NCOA3: variants seen among roughly 807,000 people sequenced by gnomAD.
NCOA3 encodes nuclear receptor coactivator 3, also known as CBP-interacting protein.
Under a neutral mutation model 158.8 loss-of-function variants are expected in NCOA3, and 51 were observed. The ratio of observed to expected loss-of-function variants is 0.32; its 90% CI spans 0.26 to 0.41. NCOA3 has a LOEUF of 0.41. Ranked by LOEUF, NCOA3 falls within the 10% of genes least tolerant of loss-of-function variation. The pLI, the probability that NCOA3 is intolerant of heterozygous loss-of-function variation, is 1.00. For missense variants in NCOA3, 1,510 were observed against 1,746.6 expected, an observed-to-expected ratio of 0.86 and a Z score of 2.41; for synonymous variants, 537 against 592.4, an observed-to-expected ratio of 0.91 and a Z score of 1.36.
intron 1 of NCOA3, among the ~76,000 whole-genome samples, chr20:47,518,383 CAT>C (rs1312169248): frequency 6.7e-6 from 1 of 149,234 alleles, no homozygotes; most frequent in East Asian, 1.9e-4. Context: ...AAAAAAGAAA[CAT>C]AATTGAAAAA....
At position 47,504,478 on chromosome 20, in the gene NCOA3, CTTTT is replaced by C. The variant is rs58220390; in HGVS notation, c.-99+2481_-99+2484del. 3.6e-4 allele frequency among the ~76,000 whole-genome samples: 36 copies of C among 98,682 alleles called. 1 individual carries two copies. The South Asian group carries it at 0.011, about 30-fold the overall frequency. 64.7% of individuals were successfully genotyped at this position (98,682 alleles called of 152,430 possible). On this transcript the variant is annotated intron_variant, in intron 1 of 22. Transcript: ENST00000371998. ...CATTAAAGATAAAAGCTAAGTGTGT[CTTTT>C]TTTTTTTTTTTTTTTTTTTTTAACG...
In NCOA3 at chr20:47,642,330, C is replaced by T. The variant is rs762180097; in HGVS notation, c.3198C>T (p.Ala1066=). The T allele has an allele frequency of 9.9e-6, 16 of 1,612,492 alleles. No homozygotes were observed. Among genetic ancestry groups the T allele is most frequent in the South Asian group, 8.8e-5 (8 of 90,698 alleles). The part of the protein sequence containing the change: ...QLHTLLSNTD[A]TGLEEIDRAL... ...ACACTCTTCTCAGCAACACAGATGC[C>T]ACAGGCCTGGAAGAAATTGACAGAG... The change falls in exon 17 of 23, where the codon GCC becomes GCT. Residue 1066 remains alanine, a synonymous_variant. Coordinates refer to ENST00000371998, the MANE Select transcript of NCOA3 (RefSeq NM_181659.3).
intron 2 of NCOA3, among the ~76,000 whole-genome samples, chr20:47,605,273 C>T (rs1256618686): frequency 2.6e-5 from 4 of 152,060 alleles, no homozygotes; most frequent in East Asian, 1.9e-4. Flanking sequence ...TGTATGTCTC[C>T]CTGCCACCTA....
intron 1 of NCOA3, among the ~76,000 whole-genome samples, chr20:47,555,637 T>TTTG (rs1407395037): frequency 4.2e-5 from 6 of 142,268 alleles, no homozygotes; most frequent in Non-Finnish European, 9.2e-5. Flanking sequence ...AAAGTGTTTT[T>TTTG]TTTTTTTTTT....
chr20:47,614,203 A>G lies in NCOA3; in HGVS notation c.-19-8026A>G, dbSNP rs532747331. Among the ~76,000 whole-genome samples, 10 of 152,330 alleles carry G rather than the reference A, an allele frequency of 6.6e-5. No homozygotes were observed. In the East Asian group the frequency reaches 1.7e-3, roughly 26 times the overall value. On this transcript the variant is annotated intron_variant, in intron 2 of 22. Coordinates refer to ENST00000371998, the MANE Select transcript of NCOA3 (RefSeq NM_181659.3). ...AGGGTATGAATGACGGATTGAAAGAAAGAAGATTAAGAAACTTTTTGATAT... is the reference window on the plus strand; with the variant it reads ...AGGGTATGAATGACGGATTGAAAGAGAGAAGATTAAGAAACTTTTTGATAT...
intron 1 of NCOA3, among the ~76,000 whole-genome samples, chr20:47,574,388 G>T (rs749248216): frequency 9.9e-5 from 15 of 152,020 alleles, no homozygotes; most frequent in Non-Finnish European, 1.8e-4. Flanking sequence ...GAGTACAACA[G>T]AGTAATTACT....
chr20:47,599,496 T>C (rs1006528392), intron 2 of NCOA3, among the ~76,000 whole-genome samples: 2 of 152,176 alleles, frequency 1.3e-5, no homozygotes, highest in Non-Finnish European at 2.9e-5. Flanking sequence ...CTCTGAAATA[T>C]ACTAAAAGCC....
Position 47,622,261 on chromosome 20 carries a change from G to A in NCOA3, c.14G>A (p.Gly5Glu), listed in dbSNP as rs1444305597. 6.2e-7 allele frequency: 1 copy of A among 1,604,410 alleles called. No individual in the cohort carries two copies. Among genetic ancestry groups the A allele is most frequent in the Admixed American group, 1.7e-5 (1 of 58,280 alleles). Residue 5 changes from glycine (G) to glutamate (E), a missense_variant, in exon 3 of 23, where the codon GGA becomes GAA. Gly to Glu is a moderately conservative substitution (Grantham distance 98). This residue lies in a region of NCOA3 where 309 missense variants were observed against 427.1 expected (regional missense o/e 0.72). Transcript: ENST00000371998. ...TGTATATTCAAGATGAGTGGATTAG[G>A]AGAAAACTTGGATCCACTGGCCAGT... is the stretch of plus-strand genomic sequence containing the variant. MSGL[G>E]ENLDPLASDS...
chr20:47,655,003 T>C lies in NCOA3; in HGVS notation c.*1586T>C. Reference sequence around the variant, plus strand: ...CCTTGGTGTGGTTTCTGGTGTCTGCTCAGCTGTCCCCTCATTCTACTAATG... The same window carrying C: ...CCTTGGTGTGGTTTCTGGTGTCTGCCCAGCTGTCCCCTCATTCTACTAATG... On this transcript the variant is annotated 3_prime_UTR_variant, in exon 23 of 23. Coordinates refer to ENST00000371998, the MANE Select transcript of NCOA3 (RefSeq NM_181659.3). 1 of 152,194 alleles carries C rather than the reference T, an allele frequency of 6.6e-6. No individual in the cohort carries two copies. Among genetic ancestry groups the C allele is most frequent in the East Asian group, 1.9e-4 (1 of 5,194 alleles). 9.4% of individuals were successfully genotyped at this position (152,194 alleles called of 1,614,324 possible).
At chr20:47,638,178 A>C (rs368559515) in intron 13 of NCOA3, among the ~76,000 whole-genome samples, 1 of 152,204 alleles carries the variant, frequency 6.6e-6, no homozygotes, top group African/African-American at 2.4e-5. Flanking sequence ...TCATTTAATT[A>C]AGATAGTTTT....
At chr20:47,568,365 C>T (rs2085233034) in intron 1 of NCOA3, among the ~76,000 whole-genome samples, 1 of 152,044 alleles carries the variant, frequency 6.6e-6, no homozygotes, top group Non-Finnish European at 1.5e-5. Flanking sequence ...TACCTCAGAC[C>T]ATTGTGATAA....
intron 1 of NCOA3, among the ~76,000 whole-genome samples, chr20:47,523,022 C>G (rs1317422150): frequency 6.6e-6 from 1 of 152,050 alleles, no homozygotes; most frequent in Non-Finnish European, 1.5e-5. Flanking sequence ...AACCCCGTCT[C>G]TACTAAAAAT....
intron 4 of NCOA3, among the ~76,000 whole-genome samples, chr20:47,624,846 C>T (rs1199093131): frequency 1.3e-5 from 2 of 152,114 alleles, no homozygotes; most frequent in South Asian, 2.1e-4. Context: ...GATCTCAGCT[C>T]ACCACAACCT....
chr20:47,645,033 A>G (rs886425818), intron 17 of NCOA3, among the ~76,000 whole-genome samples: 1 of 151,928 alleles, frequency 6.6e-6, no homozygotes, highest in Non-Finnish European at 1.5e-5. Flanking sequence ...GTTGTTTTCA[A>G]CCACCACTAC....
At chr20:47,567,003 G>C (rs1353915869) in intron 1 of NCOA3, among the ~76,000 whole-genome samples, 1 of 136,076 alleles carries the variant, frequency 7.3e-6, no homozygotes, top group Non-Finnish European at 1.6e-5. Context: ...CAGTTTACAT[G>C]GTATAGTACT....
intron 16 of NCOA3, 93 bp downstream of exon 16, chr20:47,640,144 G>C: frequency 6.5e-7 from 1 of 1,537,150 alleles, no homozygotes; most frequent in Non-Finnish European, 8.9e-7. Context: ...AAGAGAATGA[G>C]AATTCCCTAT....
At chr20:47,645,393 G>A (rs1744229259) in intron 17 of NCOA3, among the ~76,000 whole-genome samples, 1 of 151,972 alleles carries the variant, frequency 6.6e-6, no homozygotes, top group African/African-American at 2.4e-5. Flanking sequence ...AGTCTCAATA[G>A]ATCTGTGGAA....
chr20:47,555,203 C>T (rs374356155), intron 1 of NCOA3, among the ~76,000 whole-genome samples: 25 of 152,226 alleles, frequency 1.6e-4, no homozygotes, highest in Non-Finnish European at 2.5e-4. Flanking sequence ...TGCCAGCTAA[C>T]GTTTGTTTCA....
intron 1 of NCOA3, among the ~76,000 whole-genome samples, chr20:47,505,025 T>TTTTTTTTTTTTTTTTC (rs2084007349): frequency 8.4e-6 from 1 of 118,698 alleles, no homozygotes; most frequent in Non-Finnish European, 1.8e-5. Context: ...TTTTTTTTTT[T>TTTTTTTTTTTTTTTTC]TTTTGCGGGC....
Sources: allele counts gnomAD v4.1 joint callset (sites outside exome capture counted in the v4.1 genomes callset), GRCh38; gene constraint gnomAD v4.1.1; regional missense constraint gnomAD v4.1.1; transcripts MANE v1.5; gene names NCBI Gene and HGNC (gene_info 2026-07-23, HGNC 2026-07-21).